Variants in GLRA2 observed in about 807,000 individuals in gnomAD.
GLRA2 encodes the protein glycine receptor alpha 2.
Under a neutral mutation model 31.6 loss-of-function variants are expected in GLRA2, and 11 were observed. That is an observed-to-expected ratio of 0.35 (90% CI 0.22 to 0.58). The LOEUF is 0.58. Ranked by LOEUF, GLRA2 falls within the 20% of genes least tolerant of loss-of-function variation. The pLI, the probability that GLRA2 is intolerant of heterozygous loss-of-function variation, is 0.84. For synonymous variants in GLRA2, 132 were observed against 134.0 expected, an observed-to-expected ratio of 0.99 and a Z score of 0.10; for missense variants, 212 against 351.8, an observed-to-expected ratio of 0.60 and a Z score of 3.18.
At chrX:14,684,688 T>C (rs1227863108) in intron 7 of GLRA2, among the ~76,000 whole-genome samples, 2 of 112,093 alleles carry the variant, frequency 1.8e-5, no homozygotes, top group Non-Finnish European at 3.8e-5. Context: ...TTTGCTGAAG[T>C]TGCTTATCAG....
At chrX:14,670,652 C>T (rs2091082349) in intron 7 of GLRA2, among the ~76,000 whole-genome samples, 1 of 111,036 alleles carries the variant, frequency 9.0e-6, no homozygotes, top group Admixed American at 9.6e-5. Context: ...ATCATGACAA[C>T]AGCACGGGAA....
At chrX:14,675,856 G>A (rs897758207) in intron 7 of GLRA2, among the ~76,000 whole-genome samples, 2 of 112,204 alleles carry the variant, frequency 1.8e-5, no homozygotes, top group Non-Finnish European at 3.8e-5. Flanking sequence ...ATAGGTAAGA[G>A]ATCAAACAGA....
chrX:14,605,148 C>T (rs1223845825), intron 5 of GLRA2, among the ~76,000 whole-genome samples: 11 of 111,828 alleles, frequency 9.8e-5, no homozygotes, highest in Non-Finnish European at 1.7e-4. Flanking sequence ...ATCAGTTTCT[C>T]TGTTTGTAAA....
At chrX:14,564,445 G>A (rs977744304) in intron 2 of GLRA2, among the ~76,000 whole-genome samples, 4 of 111,650 alleles carry the variant, frequency 3.6e-5, no homozygotes, top group Admixed American at 1.9e-4. Context: ...CTTGGCCTAC[G>A]AGAAATGATA....
At chrX:14,572,180 G>A (rs1039070014) in intron 2 of GLRA2, among the ~76,000 whole-genome samples, 64 of 112,137 alleles carry the variant, frequency 5.7e-4, no homozygotes, top group Non-Finnish European at 9.2e-4. Context: ...AGATAAAAAC[G>A]AATATATAAT....
chrX:14,695,850 T>C (rs1316092108), intron 8 of GLRA2, among the ~76,000 whole-genome samples: 1 of 110,840 alleles, frequency 9.0e-6, no homozygotes, highest in African/African-American at 3.3e-5. Flanking sequence ...TATTAAATAG[T>C]AGTTTGGGAG....
At chrX:14,606,542 A>G (rs776509891) in intron 5 of GLRA2, among the ~76,000 whole-genome samples, 2 of 111,816 alleles carry the variant, frequency 1.8e-5, no homozygotes, top group East Asian at 5.7e-4. Flanking sequence ...TGCATATTCC[A>G]TAATTTCCTC....
the GLRA2 span, among the ~76,000 whole-genome samples, chrX:14,454,174 C>CCACG: frequency 6.1e-4 from 16 of 26,270 alleles, no homozygotes; most frequent in African/African-American, 1.7e-3. Flanking sequence ...CCACACACAC[C>CCACG]CACACCCACA....
chrX:14,569,344 TAAAG>T (rs1471532987), intron 2 of GLRA2, among the ~76,000 whole-genome samples: 7 of 111,825 alleles, frequency 6.3e-5, no homozygotes, highest in Non-Finnish European at 9.4e-5. Flanking sequence ...GAAAAAACAA[TAAAG>T]AAAATATTTG....
chrX:14,650,446 T>C lies in GLRA2; in HGVS notation c.931-40264T>C, dbSNP rs1382975872. Among the ~76,000 whole-genome samples, 4 of 110,741 alleles carry C rather than the reference T, an allele frequency of 3.6e-5. No individual in the cohort carries two copies. In the East Asian group the frequency reaches 8.4e-4, roughly 23 times the overall value. The stretch of plus-strand genomic sequence containing the variant: ...TAGTGACAGGTTAATCAAATAAATA[T>C]GGCAGGAAGGGAAAATACATCTGAA... On this transcript the variant is annotated intron_variant, in intron 7 of 8. Coordinates refer to ENST00000218075, the MANE Select transcript of GLRA2 (RefSeq NM_002063.4).
chrX:14,552,166 CAG>C (rs1385824782), intron 2 of GLRA2, among the ~76,000 whole-genome samples: 1 of 111,985 alleles, frequency 8.9e-6, no homozygotes, highest in African/African-American at 3.2e-5. Flanking sequence ...AATGAAATAA[CAG>C]ACATAAAACA....
At chrX:14,531,006 A>G (rs182027892) in intron 1 of GLRA2, 319 of 925,994 alleles carry the variant, frequency 3.4e-4, no homozygotes, top group Non-Finnish European at 4.3e-4. Context: ...TAATAATGCT[A>G]TGAATACTGG....
chrX:14,569,593 A>AT (rs2089856495), intron 2 of GLRA2, among the ~76,000 whole-genome samples: 1 of 65,623 alleles, frequency 1.5e-5, no homozygotes, highest in African/African-American at 7.8e-5. Flanking sequence ...GATGGCAATA[A>AT]TTTTAAAAAT....
chrX:14,674,651 TTCAAATCCAAG>T (rs1355207726), intron 7 of GLRA2, among the ~76,000 whole-genome samples: 1 of 112,031 alleles, frequency 8.9e-6, no homozygotes, highest in Non-Finnish European at 1.9e-5. Context: ...TCACCTAGGA[TTCAAATCCAAG>T]TTGGTCTAGC....
chrX:14,564,209 A>G (rs748461402), intron 2 of GLRA2, among the ~76,000 whole-genome samples: 5 of 111,301 alleles, frequency 4.5e-5, no homozygotes, highest in East Asian at 2.8e-4. Flanking sequence ...TAATAACAGC[A>G]AGAGAAAAAC....
chrX:14,536,815 A>T (rs1384698234), intron 2 of GLRA2, among the ~76,000 whole-genome samples: 2 of 111,934 alleles, frequency 1.8e-5, no homozygotes, highest in Non-Finnish European at 1.9e-5. Context: ...GAGAGTCATT[A>T]TTAAAAAGTA....
upstream of GLRA2, among the ~76,000 whole-genome samples, chrX:14,527,805 T>C (rs912614835): frequency 9.0e-6 from 1 of 111,303 alleles, no homozygotes; most frequent in African/African-American, 3.3e-5. Flanking sequence ...CAGGAATTGA[T>C]TTTATATATT....
At chrX:14,589,468 G>A (rs1310426029) in intron 4 of GLRA2, among the ~76,000 whole-genome samples, 1 of 99,557 alleles carries the variant, frequency 1.0e-5, no homozygotes, top group Non-Finnish European at 2.0e-5. Flanking sequence ...GACCATCCTG[G>A]CCAAAATGGT....
chrX:14,671,998 C>T (rs762481418), intron 7 of GLRA2, among the ~76,000 whole-genome samples: 4 of 111,895 alleles, frequency 3.6e-5, no homozygotes, highest in Non-Finnish European at 7.5e-5. Context: ...ATGTGGTTTC[C>T]TCTCTCATCA....
Sources: allele counts gnomAD v4.1 joint callset (sites outside exome capture counted in the v4.1 genomes callset), GRCh38; gene constraint gnomAD v4.1.1; transcripts MANE v1.5; gene names NCBI Gene and HGNC (gene_info 2026-07-23, HGNC 2026-07-21).